PTGER1: variants seen among roughly 807,000 people sequenced by gnomAD.
The protein encoded by PTGER1 is prostaglandin E2 receptor EP1 subtype.
A neutral mutation model predicts 18.5 loss-of-function variants in PTGER1; 15 were observed. That is an observed-to-expected ratio of 0.81 (90% CI 0.54 to 1.25). The LOEUF (loss-of-function observed/expected upper bound fraction) is 1.25. PTGER1 is among the 50% of genes most tolerant of loss of function. The pLI is 0.00. For synonymous variants in PTGER1, 339 were observed against 308.4 expected (o/e 1.10, Z -1.04); for missense variants, 567 against 603.4 (o/e 0.94, Z 0.63).
chr19:14,474,133 C>T lies in PTGER1; in HGVS notation c.188G>A (p.Arg63His), dbSNP rs947078891. The T allele has an allele frequency of 2.8e-6, 4 of 1,426,184 alleles. No homozygotes were observed. The highest frequency in any genetic ancestry group is 3.0e-5 in the East Asian group (1 of 33,448). 88.3% of individuals were successfully genotyped at this position (1,426,184 alleles called of 1,614,324 possible). A position where few individuals can be genotyped will look rare whatever the true frequency, so the allele number is the denominator to read the frequency against. The change falls in exon 2 of 3, where the codon CGC (arginine) becomes CAC (histidine). Residue 63 changes from arginine (R) to histidine (H), a missense_variant. By Grantham distance (29) the Arg-to-His change is conservative (BLOSUM62 0). Transcript: ENST00000292513. The surrounding 1 kb of genome is among the most constrained non-coding windows in gnomAD (Gnocchi z 5.4). ...ALALLAQAAG[R>H]LRRRRSAATF... ...GGCGGCCGAGCGGCGGCGTCGCAGG[C>T]GGCCCGCGGCCTGCGCCAGCAGCGC...
chr19:14,474,112 G>A lies in PTGER1; in HGVS notation c.209C>T (p.Ala70Val). Reference sequence around the variant, plus strand: ...GGCCACGAACAGCAGGAAGGTGGCGGCCGAGCGGCGGCGTCGCAGGCGGCC... The same window carrying A: ...GGCCACGAACAGCAGGAAGGTGGCGACCGAGCGGCGGCGTCGCAGGCGGCC... ...AAGRLRRRRS[A>V]ATFLLFVASL... is the part of the protein sequence containing the mutation. The change falls in exon 2 of 3, where the codon GCC (alanine) becomes GTC (valine). Residue 70 changes from alanine (A) to valine (V), a missense_variant. Coordinates refer to ENST00000292513, the MANE Select transcript of PTGER1 (RefSeq NM_000955.3). This position sits in a 1 kb window ranked among gnomAD's most constrained non-coding sequence, Gnocchi z 5.4. 6.9e-7 allele frequency: 1 copy of A among 1,452,412 alleles called. No homozygotes were observed. The highest frequency in any genetic ancestry group is 2.8e-5 in the Admixed American group (1 of 35,888). The allele number at this position is 1,452,412 out of a possible 1,614,324, so 90.0% of individuals were successfully genotyped here.
intron 2 of PTGER1, 110 bp from the exon 3 acceptor site, chr19:14,472,936 G>T: frequency 1.8e-6 from 2 of 1,120,814 alleles, no homozygotes; most frequent in East Asian, 2.6e-5. Context: ...GCGAGCCGTC[G>T]CAGGGAGGGT....
Position 14,474,182 on chromosome 19 carries a change from C to T in PTGER1, c.139G>A (p.Ala47Thr), listed in dbSNP as rs1384370638. ...GCCAGCGCCAGCAGGTTGGACACGG[C>T]GCCCAGCGTCATGGAGAAGATGGGC... ...ALPIFSMTLG[A>T]VSNLLALALL... The change falls in exon 2 of 3, where the codon GCC becomes ACC. Residue 47 changes from alanine to threonine, a missense_variant. Ala to Thr is a moderately conservative substitution (Grantham distance 58, BLOSUM62 0). Coordinates refer to ENST00000292513, the MANE Select transcript of PTGER1 (RefSeq NM_000955.3). The surrounding 1 kb of genome is among the most constrained non-coding windows in gnomAD (Gnocchi z 5.4). 4.0e-6 allele frequency: 6 copies of T among 1,507,852 alleles called. No homozygotes were observed. Among genetic ancestry groups the T allele is most frequent in the Admixed American group, 2.1e-5 (1 of 48,058 alleles). The allele number at this position is 1,507,852 out of a possible 1,614,324, so 93.4% of individuals were successfully genotyped here.
chr19:14,472,815 C>G lies in PTGER1; in HGVS notation c.954G>C (p.Ala318=), dbSNP rs1345568718. The G allele has an allele frequency of 6.4e-6, 10 of 1,553,228 alleles. No individual in the cohort carries two copies. The highest frequency in any genetic ancestry group is 1.9e-5 in the Admixed American group (1 of 51,318). ...TAGAGCTCCAGCCGCCGACGGCCAG[C>G]GCCACCAACACCTGCGGGGGAAGCC... ...ICWSPMLVLV[A]LAVGGWSSTS... The change falls in exon 3 of 3, where the codon GCG becomes GCC. Residue 318 remains alanine (A), a synonymous_variant. Transcript: ENST00000292513.
Position 14,474,799 on chromosome 19 carries a change from C to G in PTGER1, c.-17-462G>C, listed in dbSNP as rs1258993902. ...TCCAGTCCCATCCTCGATGCCCCAG[C>G]CCCATCTCTACCACCACGGGCACAT... On this transcript the variant is annotated intron_variant, in intron 1 of 2. Transcript: ENST00000292513. The surrounding 1 kb of genome is among the most constrained non-coding windows in gnomAD (Gnocchi z 5.4). Among the ~76,000 whole-genome samples, 1 of 152,192 alleles carries G rather than the reference C, an allele frequency of 6.6e-6. No individual in the cohort carries two copies. Among genetic ancestry groups the G allele is most frequent in the Non-Finnish European group, 1.5e-5 (1 of 68,020 alleles).
At position 14,472,485 on chromosome 19, in the gene PTGER1, T is replaced by C. The variant is rs201278541; in HGVS notation, c.*75A>G. 387 of 1,440,646 alleles carry C rather than the reference T, an allele frequency of 2.7e-4. No homozygotes were observed. The highest frequency in any genetic ancestry group is 3.4e-4 in the Non-Finnish European group (370 of 1,101,354). The allele number at this position is 1,440,646 out of a possible 1,614,324, so 89.2% of individuals were successfully genotyped here. A position where few individuals can be genotyped will look rare whatever the true frequency, so the allele number is the denominator to read the frequency against. On this transcript the variant is annotated 3_prime_UTR_variant, in exon 3 of 3. Transcript: ENST00000292513. Reference sequence around the variant, plus strand: ...CTGGGCTCGCAGAATGGCTTTTTATTCCCAAAGGCTCTGCGCCGCGCACCT... The same window carrying C: ...CTGGGCTCGCAGAATGGCTTTTTATCCCCAAAGGCTCTGCGCCGCGCACCT...
In PTGER1 at chr19:14,473,978, C is replaced by A; in HGVS notation, c.343G>T (p.Gly115Cys). Residue 115 changes from glycine (G) to cysteine (C), a missense_variant, in exon 2 of 3, where the codon GGC (glycine) becomes TGC (cysteine). Gly to Cys is a radical substitution (Grantham distance 159). Transcript: ENST00000292513. This position sits in a 1 kb window ranked among gnomAD's most constrained non-coding sequence, Gnocchi z 7.1. ...PAGGACHFLG[G>C]CMVFFGLCPL... Reference sequence around the variant, plus strand: ...CACAGGCCGAAGAAGACCATGCAGCCGCCCAGGAAGTGGCAGGCCCCGCCG... The same window carrying A: ...CACAGGCCGAAGAAGACCATGCAGCAGCCCAGGAAGTGGCAGGCCCCGCCG... 6.7e-7 allele frequency: 1 copy of A among 1,498,076 alleles called. No individual in the cohort carries two copies. The highest frequency in any genetic ancestry group is 8.9e-7 in the Non-Finnish European group (1 of 1,128,310). 92.8% of individuals were successfully genotyped at this position (1,498,076 alleles called of 1,614,324 possible). A position where few individuals can be genotyped will look rare whatever the true frequency, so the allele number is the denominator to read the frequency against.
intron 2 of PTGER1, 77 bp from the exon 3 acceptor site, chr19:14,472,903 AAGGT>A: frequency 7.0e-7 from 1 of 1,422,960 alleles, no homozygotes; most frequent in Non-Finnish European, 9.4e-7. Context: ...GCGTGGCTGG[AAGGT>A]AAAAGCCTGG....
At position 14,473,950 on chromosome 19, in the gene PTGER1, G is replaced by C. The variant is rs1371580340; in HGVS notation, c.371C>G (p.Pro124Arg). Reference protein sequence around the residue: ...GGCMVFFGLCPLLLGCGMAVE... With the variant: ...GGCMVFFGLCRLLLGCGMAVE... ...GGCCATGCCACAGCCCAGCAGCAGC[G>C]GGCACAGGCCGAAGAAGACCATGCA... Residue 124 changes from proline (P) to arginine (R), a missense_variant, in exon 2 of 3, where the codon CCG becomes CGG. Coordinates refer to ENST00000292513, the MANE Select transcript of PTGER1 (RefSeq NM_000955.3). The surrounding 1 kb of genome is among the most constrained non-coding windows in gnomAD (Gnocchi z 7.1). The C allele has an allele frequency of 2.7e-6, 4 of 1,477,962 alleles. No individual in the cohort carries two copies. Among genetic ancestry groups the C allele is most frequent in the Non-Finnish European group, 3.6e-6 (4 of 1,119,154 alleles). The allele number at this position is 1,477,962 out of a possible 1,614,324, so 91.6% of individuals were successfully genotyped here.
In PTGER1 at chr19:14,473,690, C is replaced by A; in HGVS notation, c.631G>T (p.Gly211Cys). ...AGCGCGGCGAGGAGCGCGACCAGGC[C>A]GAGGCTGGCGAAGAGGCCAGCAAGC... Reference protein sequence around the residue: ...ALLAGLFASLGLVALLAALVC... With the variant: ...ALLAGLFASLCLVALLAALVC... The change falls in exon 2 of 3, where the codon GGC becomes TGC. Residue 211 changes from glycine to cysteine, a missense_variant. By Grantham distance (159) the Gly-to-Cys change is radical. Coordinates refer to ENST00000292513, the MANE Select transcript of PTGER1 (RefSeq NM_000955.3). This position sits in a 1 kb window ranked among gnomAD's most constrained non-coding sequence, Gnocchi z 7.1. The A allele has an allele frequency of 6.8e-7, 1 of 1,475,986 alleles. No homozygotes were observed. The highest frequency in any genetic ancestry group is 8.9e-7 in the Non-Finnish European group (1 of 1,120,008). The allele number at this position is 1,475,986 out of a possible 1,614,324, so 91.4% of individuals were successfully genotyped here.
chr19:14,472,935 C>T, intron 2 of PTGER1, 109 bp from the exon 3 acceptor site: 2 of 1,129,986 alleles, frequency 1.8e-6, no homozygotes, highest in Non-Finnish European at 2.4e-6. Flanking sequence ...GGCGAGCCGT[C>T]GCAGGGAGGG....
rs1441875920 is a variant in PTGER1 at position 14,473,128 on chromosome 19, G to A, written c.942+251C>T. 6.6e-6 allele frequency among the ~76,000 whole-genome samples: 1 copy of A among 152,052 alleles called. No homozygotes were observed. Among genetic ancestry groups the A allele is most frequent in the East Asian group, 1.9e-4 (1 of 5,166 alleles). Reference sequence around the variant, plus strand: ...GGCGACTTATAACGGTGGGGCAGGAGAGGAGGCTTGTGTGGGTCGGGGTGC... The same window carrying A: ...GGCGACTTATAACGGTGGGGCAGGAAAGGAGGCTTGTGTGGGTCGGGGTGC... On this transcript the variant is annotated intron_variant, in intron 2 of 2. Transcript: ENST00000292513. The surrounding 1 kb of genome is among the most constrained non-coding windows in gnomAD (Gnocchi z 7.1).
At position 14,473,121 on chromosome 19, in the gene PTGER1, G is replaced by A. The variant is rs2071581064; in HGVS notation, c.942+258C>T. ...GAAGCGCGGCGACTTATAACGGTGGGGCAGGAGAGGAGGCTTGTGTGGGTC... is the reference window on the plus strand; with the variant it reads ...GAAGCGCGGCGACTTATAACGGTGGAGCAGGAGAGGAGGCTTGTGTGGGTC... On this transcript the variant is annotated intron_variant, in intron 2 of 2. Transcript: ENST00000292513. This position sits in a 1 kb window ranked among gnomAD's most constrained non-coding sequence, Gnocchi z 7.1. Among the ~76,000 whole-genome samples the A allele has an allele frequency of 6.6e-6, 1 of 152,084 alleles. No homozygotes were observed. Among genetic ancestry groups the A allele is most frequent in the South Asian group, 2.1e-4 (1 of 4,824 alleles).
Position 14,473,401 on chromosome 19 carries a change from C to G in PTGER1, c.920G>C (p.Cys307Ser). Residue 307 changes from cysteine (C) to serine (S), a missense_variant, in exon 2 of 3, where the codon TGC becomes TCC. Coordinates refer to ENST00000292513, the MANE Select transcript of PTGER1 (RefSeq NM_000955.3). The surrounding 1 kb of genome is among the most constrained non-coding windows in gnomAD (Gnocchi z 7.1). ...CACCAGCATTGGGCTCCAGCAGATGCACGACACCACCATGATACCGACAAG... is the reference window on the plus strand; with the variant it reads ...CACCAGCATTGGGCTCCAGCAGATGGACGACACCACCATGATACCGACAAG... Reference protein sequence around the residue: ...GQLVGIMVVSCICWSPMLVLV... With the variant: ...GQLVGIMVVSSICWSPMLVLV... 1 of 1,594,678 alleles carries G rather than the reference C, an allele frequency of 6.3e-7. No individual in the cohort carries two copies. Among genetic ancestry groups the G allele is most frequent in the South Asian group, 1.1e-5 (1 of 88,700 alleles).
rs756739288 is a variant in PTGER1 at position 14,472,615 on chromosome 19, G to A, written c.1154C>T (p.Ala385Val). The A allele has an allele frequency of 6.2e-7, 1 of 1,601,952 alleles. No homozygotes were observed. The highest frequency in any genetic ancestry group is 1.7e-5 in the Admixed American group (1 of 58,820). Residue 385 changes from alanine to valine, a missense_variant, in exon 3 of 3, where the codon GCC (alanine) becomes GTC (valine). By Grantham distance (64) the Ala-to-Val change is moderately conservative. Coordinates refer to ENST00000292513, the MANE Select transcript of PTGER1 (RefSeq NM_000955.3). ...GCTGCGCAGCGAGCTGGCCTCCCAG[G>A]CGCTCGGTGTTAGGCCCAGCCCCGC... is the stretch of plus-strand genomic sequence containing the variant. ...GPAGLGLTPS[A>V]WEASSLRSSR...
chr19:14,473,736 C>A lies in PTGER1; in HGVS notation c.585G>T (p.Pro195=). The A allele has an allele frequency of 6.9e-7, 1 of 1,459,268 alleles. No homozygotes were observed. The highest frequency in any genetic ancestry group is 1.3e-5 in the South Asian group (1 of 76,320). 90.4% of individuals were successfully genotyped at this position (1,459,268 alleles called of 1,614,324 possible). A position where few individuals can be genotyped will look rare whatever the true frequency, so the allele number is the denominator to read the frequency against. Reference sequence around the variant, plus strand: ...CAAGCAGTGCCTGGCGCCAGCCGCCCGGGGGACCCAGGCCGATGAAGCACC... The same window carrying A: ...CAAGCAGTGCCTGGCGCCAGCCGCCAGGGGGACCCAGGCCGATGAAGCACC... ...GTWCFIGLGP[P]GGWRQALLAG... The change falls in exon 2 of 3, where the codon CCG becomes CCT. Residue 195 remains proline, a synonymous_variant. Coordinates refer to ENST00000292513, the MANE Select transcript of PTGER1 (RefSeq NM_000955.3). The surrounding 1 kb of genome is among the most constrained non-coding windows in gnomAD (Gnocchi z 7.1).
Position 14,474,671 on chromosome 19 carries a change from A to AT in PTGER1, c.-17-335dup, listed in dbSNP as rs1221059045. Among the ~76,000 whole-genome samples, 33 of 139,624 alleles carry AT rather than the reference A, an allele frequency of 2.4e-4. No homozygotes were observed. Among genetic ancestry groups the AT allele is most frequent in the African/African-American group, 9.0e-4 (33 of 36,852 alleles). 91.6% of individuals were successfully genotyped at this position (139,624 alleles called of 152,430 possible). A position where few individuals can be genotyped will look rare whatever the true frequency, so the allele number is the denominator to read the frequency against. ...CCAGTGCCTCCGACCCCCACCTTCCATTTTTACACCCAGCAAATTCCTGGG... is the reference window on the plus strand; with the variant it reads ...CCAGTGCCTCCGACCCCCACCTTCCATTTTTTACACCCAGCAAATTCCTGGG... On this transcript the variant is annotated intron_variant, in intron 1 of 2. Transcript: ENST00000292513. This position sits in a 1 kb window ranked among gnomAD's most constrained non-coding sequence, Gnocchi z 5.4.
In PTGER1 at chr19:14,472,645, C is replaced by A. The variant is rs2071576219; in HGVS notation, c.1124G>T (p.Gly375Val). 6.2e-7 allele frequency: 1 copy of A among 1,607,524 alleles called. No homozygotes were observed. The highest frequency in any genetic ancestry group is 1.7e-5 in the Admixed American group (1 of 59,402). The change falls in exon 3 of 3, where the codon GGC becomes GTC. Residue 375 changes from glycine to valine, a missense_variant. By Grantham distance (109) the Gly-to-Val change is moderately radical. Coordinates refer to ENST00000292513, the MANE Select transcript of PTGER1 (RefSeq NM_000955.3). ...CGGTGTTAGGCCCAGCCCCGCGGGG[C>A]CGCCCTTGGCTCCGGCCCTCGGGGG... ...LLPPRAGAKG[G>V]PAGLGLTPSA...
Position 14,473,771 on chromosome 19 carries a change from G to C in PTGER1, c.550C>G (p.Pro184Ala). Reference protein sequence around the residue: ...ARVGRYELQYPGTWCFIGLGP... With the variant: ...ARVGRYELQYAGTWCFIGLGP... ...AGGCCGATGAAGCACCACGTGCCCG[G>C]GTACTGCAGCTCATAGCGGCCCACG... The change falls in exon 2 of 3, where the codon CCG becomes GCG. Residue 184 changes from proline to alanine, a missense_variant. Transcript: ENST00000292513. The surrounding 1 kb of genome is among the most constrained non-coding windows in gnomAD (Gnocchi z 7.1). The C allele has an allele frequency of 6.9e-7, 1 of 1,456,028 alleles. No homozygotes were observed. The highest frequency in any genetic ancestry group is 9.0e-7 in the Non-Finnish European group (1 of 1,108,948). 90.2% of individuals were successfully genotyped at this position (1,456,028 alleles called of 1,614,324 possible).
Sources: gnomAD v4.1 joint callset for allele counts (sites outside exome capture counted in the v4.1 genomes callset) on GRCh38, gnomAD v4.1.1 for gene constraint, Gnocchi (gnomAD v3.1) non-coding constraint, MANE v1.5 for transcripts, NCBI Gene and HGNC (gene_info 2026-07-23, HGNC 2026-07-21) for gene names.